SCP2: variants seen among roughly 807,000 people sequenced by gnomAD.
SCP2 encodes the protein SCP-2/3-oxoacyl-CoA thiolase.
In SCP2, 48 loss-of-function variants were observed where a neutral mutation model predicts 71.4. The ratio of observed to expected loss-of-function variants is 0.67; its 90% confidence interval spans 0.53 to 0.86. The LOEUF (loss-of-function observed/expected upper bound fraction) is 0.86. Ranked by LOEUF, SCP2 falls within the 40% of genes least tolerant of loss-of-function variation. The probability of loss-of-function intolerance (pLI) is 0.00; values close to 1 mark genes in which losing one functional copy is unlikely to be tolerated. For missense variants in SCP2, 560 were observed against 655.6 expected, an observed-to-expected ratio of 0.85 and a Z score of 1.59; for synonymous variants, 220 against 218.1, an observed-to-expected ratio of 1.01 and a Z score of -0.08.
chr1:53,014,806 C>T lies in SCP2; in HGVS notation c.1082-84C>T. The T allele has an allele frequency of 2.7e-6, 4 of 1,498,060 alleles. No individual in the cohort carries two copies. In the South Asian group the frequency reaches 3.6e-5, roughly 13 times the overall value. The allele number at this position is 1,498,060 out of a possible 1,614,324, so 92.8% of individuals were successfully genotyped here. ...AACGTGGCCTCGGCTTAATCAAATGCTTTAATTTAAAGTCACAAACATCCC... is the reference window on the plus strand; with the variant it reads ...AACGTGGCCTCGGCTTAATCAAATGTTTTAATTTAAAGTCACAAACATCCC... On this transcript the variant is annotated intron_variant, in intron 11 of 15. Coordinates refer to ENST00000371514, the MANE Select transcript of SCP2 (RefSeq NM_002979.5).
chr1:52,953,419 C>T (rs1655495871), intron 4 of SCP2, among the ~76,000 whole-genome samples: 1 of 152,048 alleles, frequency 6.6e-6, no homozygotes, highest in Non-Finnish European at 1.5e-5. Context: ...CAGCTCCTGC[C>T]ACCTGTGCCT....
At chr1:52,963,369 G>GC (rs1289417492) in intron 6 of SCP2, among the ~76,000 whole-genome samples, 2 of 146,548 alleles carry the variant, frequency 1.4e-5, no homozygotes, top group Non-Finnish European at 3.0e-5. Context: ...CCAGAAAGAA[G>GC]TTTTTTTTTT....
chr1:52,936,703 G>A (rs1455337045), intron 1 of SCP2, among the ~76,000 whole-genome samples: 3 of 152,186 alleles, frequency 2.0e-5, no homozygotes. Flanking sequence ...AAATGGGCAA[G>A]ACTAAACTAT....
intron 10 of SCP2, among the ~76,000 whole-genome samples, chr1:52,984,749 C>T (rs1336306588): frequency 6.6e-6 from 1 of 151,736 alleles, no homozygotes; most frequent in Non-Finnish European, 1.5e-5. Context: ...GTTGGCCAGG[C>T]TGGTCTCGAA....
intron 6 of SCP2, among the ~76,000 whole-genome samples, chr1:52,964,829 A>G (rs540033379): frequency 6.6e-6 from 1 of 152,256 alleles, no homozygotes; most frequent in Non-Finnish European, 1.5e-5. Flanking sequence ...CCTGGCCAAC[A>G]TGGTGAAACC....
intron 11 of SCP2, among the ~76,000 whole-genome samples, chr1:52,989,800 A>G (rs1659309990): frequency 6.6e-6 from 1 of 152,258 alleles, no homozygotes; most frequent in Admixed American, 6.5e-5. Context: ...AAAGTTGGGG[A>G]GTAGGATGTC....
chr1:52,989,681 A>T (rs1280741780), intron 11 of SCP2, among the ~76,000 whole-genome samples: 4 of 152,238 alleles, frequency 2.6e-5, no homozygotes, highest in African/African-American at 9.6e-5. Flanking sequence ...CAGTGCAAAG[A>T]GTATTTTCCC....
intron 6 of SCP2, among the ~76,000 whole-genome samples, chr1:52,970,581 C>T (rs1382549512): frequency 3.9e-5 from 6 of 151,934 alleles, no homozygotes; most frequent in Non-Finnish European, 7.4e-5. Context: ...AGATTCCCAC[C>T]TCAGATCTCC....
intron 10 of SCP2, 94 bp from the exon 11 acceptor site, chr1:52,987,935 A>G: frequency 1.3e-6 from 1 of 745,446 alleles, no homozygotes; most frequent in Non-Finnish European, 2.4e-6. Context: ...TATTTGCTCC[A>G]AGAAATTCTT....
chr1:52,943,174 G>C (rs568755608), intron 2 of SCP2, among the ~76,000 whole-genome samples: 2 of 151,192 alleles, frequency 1.3e-5, no homozygotes, highest in East Asian at 3.9e-4. Flanking sequence ...CCAATAACAA[G>C]AACAGAATAT....
At chr1:52,965,036 C>A (rs1261961090) in intron 6 of SCP2, among the ~76,000 whole-genome samples, 1 of 151,226 alleles carries the variant, frequency 6.6e-6, no homozygotes, top group African/African-American at 2.4e-5. Flanking sequence ...AACAAACAAA[C>A]AACAACAACA....
At chr1:52,999,209 AT>A (rs1660145670) in intron 11 of SCP2, among the ~76,000 whole-genome samples, 1 of 152,222 alleles carries the variant, frequency 6.6e-6, no homozygotes, top group Non-Finnish European at 1.5e-5. Context: ...CTTCGAGGAA[AT>A]CTGGCACATG....
chr1:53,049,727 A>G (rs1380299591), intron 15 of SCP2: 2 of 152,220 alleles, frequency 1.3e-5, no homozygotes, highest in African/African-American at 4.8e-5. Flanking sequence ...TAGAAAGGAA[A>G]TATTTAGTTT....
At chr1:53,005,572 A>G (rs1660581634) in intron 11 of SCP2, among the ~76,000 whole-genome samples, 1 of 152,242 alleles carries the variant, frequency 6.6e-6, no homozygotes, top group African/African-American at 2.4e-5. Flanking sequence ...GACTGTTAGA[A>G]GGAAAATTAA....
intron 12 of SCP2, among the ~76,000 whole-genome samples, chr1:53,024,308 G>A (rs1176841789): frequency 6.6e-6 from 1 of 152,082 alleles, no homozygotes; most frequent in Non-Finnish European, 1.5e-5. Context: ...TGGAAGCAGG[G>A]GGGAGTGAGG....
chr1:53,007,916 A>G (rs1162309168), intron 11 of SCP2, among the ~76,000 whole-genome samples: 1 of 152,204 alleles, frequency 6.6e-6, no homozygotes, highest in African/African-American at 2.4e-5. Flanking sequence ...AGAAGAATCA[A>G]ATAGATGCAA....
At chr1:53,041,604 G>C (rs1158439246) in intron 14 of SCP2, among the ~76,000 whole-genome samples, 1 of 152,148 alleles carries the variant, frequency 6.6e-6, no homozygotes, top group African/African-American at 2.4e-5. Flanking sequence ...CCATCAGGAG[G>C]ATAGATGTTG....
chr1:52,964,728 T>C (rs753720155), intron 6 of SCP2, among the ~76,000 whole-genome samples: 1 of 152,046 alleles, frequency 6.6e-6, no homozygotes, highest in African/African-American at 2.4e-5. Flanking sequence ...TTTTAAAAAA[T>C]GTAAGGCTGG....
Position 52,995,018 on chromosome 1 carries a change from G to C in SCP2, c.1081+6882G>C, listed in dbSNP as rs114514352. On this transcript the variant is annotated intron_variant, in intron 11 of 15. Coordinates refer to ENST00000371514, the MANE Select transcript of SCP2 (RefSeq NM_002979.5). Reference sequence around the variant, plus strand: ...TTTGTTTTTGGTCAATCTGGGGCAGGCAACAACTGGGCCAAAGGCCACTAC... The same window carrying C: ...TTTGTTTTTGGTCAATCTGGGGCAGCCAACAACTGGGCCAAAGGCCACTAC... The C allele has an allele frequency of 1.6e-3, 818 of 506,712 alleles. 6 individuals carry two copies. The highest frequency in any genetic ancestry group is 0.015 in the African/African-American group (766 of 51,238). 31.4% of individuals were successfully genotyped at this position (506,712 alleles called of 1,614,324 possible). A position where few individuals can be genotyped will look rare whatever the true frequency, so the allele number is the denominator to read the frequency against.
Sources: allele counts gnomAD v4.1 joint callset (sites outside exome capture counted in the v4.1 genomes callset), GRCh38; gene constraint gnomAD v4.1.1; transcripts MANE v1.5; gene names NCBI Gene and HGNC (gene_info 2026-07-23, HGNC 2026-07-21).